Variants in FMN2 observed in about 807,000 individuals in gnomAD.
FMN2 encodes the protein formin-2.
FMN2 carries 51 observed loss-of-function variants against 142.3 expected under a neutral mutation model. The ratio of observed to expected loss-of-function variants is 0.36; its 90% CI spans 0.29 to 0.45. The LOEUF (loss-of-function observed/expected upper bound fraction) is 0.45. Among genes scored for constraint, FMN2 ranks in the 20% least tolerant of loss-of-function variants. The pLI is 1.00. For synonymous variants in FMN2, 882 were observed against 869.8 expected, an observed-to-expected ratio of 1.01 and a Z score of -0.25; for missense variants, 1,936 against 2,122.8, an observed-to-expected ratio of 0.91 and a Z score of 1.73.
rs150792350 is a variant in FMN2, at chr1:240,343,470, G to A, written c.4765+9241G>A. On this transcript the variant is annotated intron_variant, in intron 13 of 17. Coordinates refer to ENST00000319653, the MANE Select transcript of FMN2 (RefSeq NM_020066.5). Reference sequence around the variant, plus strand: ...ACCGCCTCCTTTTGGGGTTCACTGCGCAGAACCCTTCAGGGAAGGTTGATA... The same window carrying A: ...ACCGCCTCCTTTTGGGGTTCACTGCACAGAACCCTTCAGGGAAGGTTGATA... 6.4e-4 allele frequency among the ~76,000 whole-genome samples: 98 copies of A among 152,236 alleles called. 1 individual carries two copies. In the South Asian group the frequency reaches 0.017, roughly 27 times the overall value.
At chr1:240,461,746 C>T (rs909927770) in intron 16 of FMN2, among the ~76,000 whole-genome samples, 3 of 152,102 alleles carry the variant, frequency 2.0e-5, no homozygotes, top group Admixed American at 6.5e-5. Context: ...TCTTCTATCG[C>T]GTGACCTCAA....
At chr1:240,269,591 G>A (rs1464549251) in intron 7 of FMN2, among the ~76,000 whole-genome samples, 2 of 151,942 alleles carry the variant, frequency 1.3e-5, no homozygotes, top group East Asian at 3.9e-4. Flanking sequence ...AATGACACTG[G>A]AATTTTGATT....
chr1:240,154,056 G>A (rs1475468426), intron 2 of FMN2, among the ~76,000 whole-genome samples: 1 of 136,098 alleles, frequency 7.3e-6, no homozygotes, highest in East Asian at 2.2e-4. Context: ...GTTGCAGTGA[G>A]CCGAGATCAG....
chr1:240,331,921 G>T (rs1166972113), intron 11 of FMN2, among the ~76,000 whole-genome samples: 1 of 152,150 alleles, frequency 6.6e-6, no homozygotes, highest in East Asian at 1.9e-4. Context: ...AAAACAGAAT[G>T]GTTGTATGGG....
intron 14 of FMN2, among the ~76,000 whole-genome samples, chr1:240,387,644 T>A (rs1381062330): frequency 3.3e-5 from 5 of 152,232 alleles, no homozygotes; most frequent in Non-Finnish European, 7.3e-5. Context: ...GGGCCATAAT[T>A]TCTCTGTTGC....
chr1:240,142,540 T>C, intron 2 of FMN2: 1 of 790,512 alleles, frequency 1.3e-6, no homozygotes, highest in Non-Finnish European at 2.0e-6. Context: ...AACAACCTTA[T>C]CTCACTCAGT....
At position 240,207,038 on chromosome 1, in the gene FMN2, A is replaced by G. The variant is rs774416104; in HGVS notation, c.2226A>G (p.Lys742=). 6 of 1,614,180 alleles carry G rather than the reference A, an allele frequency of 3.7e-6. No individual in the cohort carries two copies. Among genetic ancestry groups the G allele is most frequent in the South Asian group, 1.1e-5 (1 of 91,084 alleles). Residue 742 remains lysine, a synonymous_variant, in exon 5 of 18, where the codon AAA becomes AAG. Coordinates refer to ENST00000319653, the MANE Select transcript of FMN2 (RefSeq NM_020066.5). ...EVRHHRILEA[K]SIQTSPTEEG... ...GGCATCATAGGATTTTAGAGGCGAA[A>G]TCGATACAGACTTCCCCCACGGAAG...
chr1:240,201,882 TG>T (rs1666138443), intron 4 of FMN2, among the ~76,000 whole-genome samples: 1 of 152,168 alleles, frequency 6.6e-6, no homozygotes. Flanking sequence ...TTGGAAGGTT[TG>T]AAGCATCTGT....
chr1:240,170,196 G>C (rs916932985), intron 2 of FMN2: 1 of 1,218,970 alleles, frequency 8.2e-7, no homozygotes, highest in African/African-American at 1.5e-5. Flanking sequence ...TCAAGTGCAA[G>C]GCTGCAGTTG....
At chr1:240,168,544 A>G (rs948985596) in intron 2 of FMN2, among the ~76,000 whole-genome samples, 2 of 152,180 alleles carry the variant, frequency 1.3e-5, no homozygotes, top group African/African-American at 4.8e-5. Context: ...ACCTGTGATC[A>G]CACTACTGCA....
intron 2 of FMN2, among the ~76,000 whole-genome samples, chr1:240,151,654 C>G (rs1005574238): frequency 1.3e-5 from 2 of 152,116 alleles, no homozygotes; most frequent in Non-Finnish European, 2.9e-5. Flanking sequence ...TGTTGCCCCA[C>G]TCAGCTTGAG....
intron 7 of FMN2, among the ~76,000 whole-genome samples, chr1:240,282,917 T>A (rs1394607106): frequency 2.6e-5 from 4 of 152,160 alleles, no homozygotes. Context: ...GTAATATACA[T>A]TTTGGAAGTT....
intron 8 of FMN2, among the ~76,000 whole-genome samples, chr1:240,312,406 A>T (rs1012381139): frequency 9.9e-5 from 15 of 152,162 alleles, no homozygotes; most frequent in Non-Finnish European, 2.2e-4. Flanking sequence ...AGCAACATGC[A>T]CCTTGTCTTT....
chr1:240,377,987 G>T (rs951118043), intron 14 of FMN2, among the ~76,000 whole-genome samples: 2 of 151,900 alleles, frequency 1.3e-5, no homozygotes, highest in Middle Eastern at 3.4e-3. Context: ...TTATATTTTT[G>T]TTACTTGTTA....
chr1:240,202,210 T>C (rs1666152458), intron 4 of FMN2, among the ~76,000 whole-genome samples: 1 of 152,150 alleles, frequency 6.6e-6, no homozygotes, highest in Non-Finnish European at 1.5e-5. Flanking sequence ...CAATCCAAGG[T>C]AACCAAAAGA....
intron 6 of FMN2, among the ~76,000 whole-genome samples, chr1:240,238,247 G>C (rs1667773861): frequency 6.6e-6 from 1 of 152,166 alleles, no homozygotes; most frequent in Admixed American, 6.5e-5. Flanking sequence ...CTGATTCGAG[G>C]AACATTTAGG....
intron 2 of FMN2, among the ~76,000 whole-genome samples, chr1:240,168,935 AGGTGT>A (rs1238510841): frequency 6.6e-6 from 1 of 152,140 alleles, no homozygotes; most frequent in African/African-American, 2.4e-5. Flanking sequence ...ACAAATGGCC[AGGTGT>A]GGTGGCTCAT....
intron 8 of FMN2, among the ~76,000 whole-genome samples, chr1:240,296,002 G>T (rs145721026): frequency 0.014 from 2,129 of 152,200 alleles, 31 homozygotes; most frequent in Non-Finnish European, 0.019. Context: ...TTTCTCTGAT[G>T]AACTGTGATC....
intron 2 of FMN2, among the ~76,000 whole-genome samples, chr1:240,149,151 A>G (rs1049804051): frequency 6.6e-6 from 1 of 152,226 alleles, no homozygotes; most frequent in Non-Finnish European, 1.5e-5. Context: ...AATGTGGACA[A>G]TAAAGTAACC....
Sources: gnomAD v4.1 joint callset for allele counts (sites outside exome capture counted in the v4.1 genomes callset) on GRCh38, gnomAD v4.1.1 for gene constraint, MANE v1.5 for transcripts, NCBI Gene and HGNC (gene_info 2026-07-23, HGNC 2026-07-21) for gene names.